The following MECOM variants were observed in gnomAD, a reference collection of about 807,000 sequenced individuals.
The protein encoded by MECOM is MDS1 and EVI1 complex locus, also known as histone-lysine N-methyltransferase MECOM.
MECOM carries 13 observed loss-of-function variants against 116.3 expected under a neutral mutation model. That is an observed-to-expected ratio of 0.11 (90% CI 0.07 to 0.18). The LOEUF (loss-of-function observed/expected upper bound fraction) is 0.18. Among genes scored for constraint, MECOM ranks in the 10% least tolerant of loss-of-function variants. The probability of loss-of-function intolerance (pLI) is 1.00; values close to 1 mark genes in which losing one functional copy is unlikely to be tolerated. For missense variants in MECOM, 1,299 were observed against 1,509.0 expected, an observed-to-expected ratio of 0.86 and a Z score of 2.31; for synonymous variants, 528 against 535.2, an observed-to-expected ratio of 0.99 and a Z score of 0.19.
chr3:169,403,992 A>T (rs1293950660), intron 1 of MECOM, among the ~76,000 whole-genome samples: 1 of 152,142 alleles, frequency 6.6e-6, no homozygotes, highest in East Asian at 1.9e-4. Flanking sequence ...ATAGATAAAA[A>T]TTTACATATT....
In MECOM at chr3:169,486,037, A is replaced by AC. The variant is rs1211986892; in HGVS notation, c.38-104514_38-104513insG. Among the ~76,000 whole-genome samples the AC allele has an allele frequency of 2.4e-4, 32 of 135,890 alleles. 1 individual carries two copies. Among genetic ancestry groups the AC allele is most frequent in the African/African-American group, 6.8e-4 (24 of 35,506 alleles). 89.1% of individuals were successfully genotyped at this position (135,890 alleles called of 152,430 possible). A position where few individuals can be genotyped will look rare whatever the true frequency, so the allele number is the denominator to read the frequency against. ...ATATATGTATATATAGTATATATAT[A>AC]TATGTATATATATATACACTATCCC... On this transcript the variant is annotated intron_variant, in intron 1 of 16. Transcript: ENST00000651503.
intron 1 of MECOM, among the ~76,000 whole-genome samples, chr3:169,647,364 A>G (rs80312212): frequency 0.014 from 2,177 of 152,340 alleles, 45 homozygotes; most frequent in African/African-American, 0.05. Context: ...GACTGGCGTT[A>G]TTACTTATTG....
chr3:169,300,574 C>A (rs1431979069), intron 2 of MECOM, among the ~76,000 whole-genome samples: 4 of 152,186 alleles, frequency 2.6e-5, no homozygotes, highest in African/African-American at 9.7e-5. Flanking sequence ...CAAGTCTAAT[C>A]ATGGTAGCAC....
intron 1 of MECOM, among the ~76,000 whole-genome samples, chr3:169,495,974 A>C (rs1753752737): frequency 6.6e-6 from 1 of 152,214 alleles, no homozygotes; most frequent in South Asian, 2.1e-4. Context: ...CATAGTAAGC[A>C]TAACGACCCT....
chr3:169,183,365 GA>G (rs1746236044), intron 2 of MECOM, among the ~76,000 whole-genome samples: 2 of 152,082 alleles, frequency 1.3e-5, no homozygotes, highest in Non-Finnish European at 2.9e-5. Flanking sequence ...ATTCAGCAAT[GA>G]ATCTGTAGTA....
intron 2 of MECOM, among the ~76,000 whole-genome samples, chr3:169,194,540 A>G (rs1224361937): frequency 1.3e-5 from 2 of 152,066 alleles, no homozygotes; most frequent in Non-Finnish European, 2.9e-5. Context: ...AACAGCAACA[A>G]CAATAACAAT....
intron 1 of MECOM, among the ~76,000 whole-genome samples, chr3:169,572,351 G>A (rs906041235): frequency 2.0e-5 from 3 of 152,216 alleles, no homozygotes; most frequent in Non-Finnish European, 4.4e-5. Flanking sequence ...ACAGATGCTG[G>A]AGAGGATGTG....
intron 2 of MECOM, among the ~76,000 whole-genome samples, chr3:169,261,108 C>T (rs1757476810): frequency 6.6e-6 from 1 of 152,064 alleles, no homozygotes; most frequent in Admixed American, 6.6e-5. Context: ...TTTCTTTACA[C>T]ATAGTGTAAA....
At chr3:169,294,746 G>A (rs1289671816) in intron 2 of MECOM, among the ~76,000 whole-genome samples, 1 of 152,120 alleles carries the variant, frequency 6.6e-6, no homozygotes, top group Non-Finnish European at 1.5e-5. Flanking sequence ...GTCAATCATT[G>A]ACTCTCAGGA....
intron 1 of MECOM, among the ~76,000 whole-genome samples, chr3:169,382,879 A>AAAAAAAAAAAAAAAAAAAAAG (rs1358767356): frequency 2.2e-5 from 3 of 138,496 alleles, no homozygotes; most frequent in African/African-American, 5.4e-5. Context: ...AAAAATAAAA[A>AAAAAAAAAAAAAAAAAAAAAG]AAGAAGGTAA....
At chr3:169,435,221 C>T (rs1460163028) in intron 1 of MECOM, among the ~76,000 whole-genome samples, 3 of 152,160 alleles carry the variant, frequency 2.0e-5, no homozygotes, top group Admixed American at 6.5e-5. Flanking sequence ...GGATTTCCTT[C>T]GCCACAGCTT....
At chr3:169,122,793 G>T (rs554631485) in intron 5 of MECOM, 66 bp from the exon 6 acceptor site, 5 of 1,540,092 alleles carry the variant, frequency 3.2e-6, no homozygotes, top group Non-Finnish European at 4.4e-6. Context: ...ACATTTTATT[G>T]TTAATCCAAC....
intron 2 of MECOM, among the ~76,000 whole-genome samples, chr3:169,151,053 G>T (rs1178641067): frequency 6.6e-6 from 1 of 152,192 alleles, no homozygotes. Context: ...AGAAGTTAGT[G>T]CTCCAGTATT....
Position 169,344,796 on chromosome 3 carries a change from G to A in MECOM, c.375+36391C>T, listed in dbSNP as rs907359968. On this transcript the variant is annotated intron_variant, in intron 2 of 16. Transcript: ENST00000651503. Reference sequence around the variant, plus strand: ...TTGAGGAGCAATTATGCAGATATGGGGGCAACCAGATCTTTGATTTCTGGT... The same window carrying A: ...TTGAGGAGCAATTATGCAGATATGGAGGCAACCAGATCTTTGATTTCTGGT... Among the ~76,000 whole-genome samples the A allele has an allele frequency of 2.6e-5, 4 of 152,146 alleles. No individual in the cohort carries two copies. The East Asian group carries it at 7.7e-4, about 29-fold the overall frequency.
At chr3:169,093,470 T>A (rs1365131757) in intron 13 of MECOM, among the ~76,000 whole-genome samples, 1 of 152,220 alleles carries the variant, frequency 6.6e-6, no homozygotes, top group East Asian at 1.9e-4. Context: ...ACACTCTATA[T>A]GAAGTCCTGG....
chr3:169,650,577 A>G (rs1774769011), intron 1 of MECOM, among the ~76,000 whole-genome samples: 1 of 152,156 alleles, frequency 6.6e-6, no homozygotes, highest in Admixed American at 6.5e-5. Flanking sequence ...GCACAGATAT[A>G]TCACAGTGGA....
chr3:169,399,987 AG>A (rs1471149891), intron 1 of MECOM, among the ~76,000 whole-genome samples: 1 of 152,212 alleles, frequency 6.6e-6, no homozygotes, highest in Non-Finnish European at 1.5e-5. Flanking sequence ...GTTTAGACTG[AG>A]GTAGGATAAA....
At chr3:169,445,817 C>G (rs911556309) in intron 1 of MECOM, among the ~76,000 whole-genome samples, 3 of 152,226 alleles carry the variant, frequency 2.0e-5, no homozygotes, top group Admixed American at 6.5e-5. Context: ...TGGGAACCCC[C>G]TCTTGCATCA....
chr3:169,421,769 A>G (rs1404029018), intron 1 of MECOM, among the ~76,000 whole-genome samples: 1 of 152,086 alleles, frequency 6.6e-6, no homozygotes, highest in Non-Finnish European at 1.5e-5. Flanking sequence ...ATCACTGCTC[A>G]GGCTCAGAAA....
Sources: gnomAD v4.1 joint callset for allele counts (sites outside exome capture counted in the v4.1 genomes callset) on GRCh38, gnomAD v4.1.1 for gene constraint, MANE v1.5 for transcripts, NCBI Gene and HGNC (gene_info 2026-07-23, HGNC 2026-07-21) for gene names.